AKAP6: variants seen among roughly 807,000 people sequenced by gnomAD.
The protein encoded by AKAP6 is A-kinase anchoring protein 6, also known as A-kinase anchor protein 6.
Under a neutral mutation model 188.5 loss-of-function variants are expected in AKAP6, and 58 were observed. The observed-to-expected ratio is 0.31, with a 90% CI of 0.25 to 0.38. The LOEUF (loss-of-function observed/expected upper bound fraction) is 0.38, where lower values mean the gene tolerates loss of function less well. Ranked by LOEUF, AKAP6 falls within the 10% of genes least tolerant of loss-of-function variation. AKAP6 has a pLI of 1.00. For synonymous variants in AKAP6, 989 were observed against 998.6 expected (o/e 0.99, Z 0.18); for missense variants, 2,710 against 2,740.0 (o/e 0.99, Z 0.24).
chr14:32,397,133 A>G (rs972721780), intron 1 of AKAP6, among the ~76,000 whole-genome samples: 4 of 152,118 alleles, frequency 2.6e-5, no homozygotes, highest in Non-Finnish European at 5.9e-5. Context: ...GAGAATTTGC[A>G]TGTTTAAAAA....
chr14:32,499,328 C>CAAAAAAAAAAA (rs71432061), intron 2 of AKAP6, among the ~76,000 whole-genome samples: 7 of 111,054 alleles, frequency 6.3e-5, no homozygotes, highest in East Asian at 2.7e-4. Flanking sequence ...AGTGTAACAG[C>CAAAAAAAAAAA]AAAAAAAAAA....
At chr14:32,380,966 A>G (rs1016593967) in intron 1 of AKAP6, among the ~76,000 whole-genome samples, 7 of 152,176 alleles carry the variant, frequency 4.6e-5, no homozygotes, top group African/African-American at 1.2e-4. Flanking sequence ...TTTAAAAATT[A>G]CAATTCAGTG....
chr14:32,365,969 C>T (rs971753004), intron 1 of AKAP6, among the ~76,000 whole-genome samples: 10 of 152,172 alleles, frequency 6.6e-5, no homozygotes, highest in Admixed American at 2.0e-4. Flanking sequence ...CTGGTCAAAC[C>T]CTTCTTCCCT....
intron 2 of AKAP6, among the ~76,000 whole-genome samples, chr14:32,475,047 C>T (rs1878986638): frequency 6.6e-6 from 1 of 152,180 alleles, no homozygotes; most frequent in Non-Finnish European, 1.5e-5. Context: ...GCCTGATGAA[C>T]ATTCCTTATA....
intron 1 of AKAP6, among the ~76,000 whole-genome samples, chr14:32,374,888 G>A (rs1888112394): frequency 6.6e-6 from 1 of 152,076 alleles, no homozygotes; most frequent in Non-Finnish European, 1.5e-5. Flanking sequence ...TCATTAACTA[G>A]TGTTCATTGT....
intron 13 of AKAP6, among the ~76,000 whole-genome samples, chr14:32,828,902 A>C (rs527919843): frequency 6.6e-6 from 1 of 152,284 alleles, no homozygotes; most frequent in South Asian, 2.1e-4. Context: ...CTTTTTGTTA[A>C]GGTTTTTCTG....
chr14:32,515,619 T>G (rs1881482424), intron 2 of AKAP6, among the ~76,000 whole-genome samples: 2 of 152,106 alleles, frequency 1.3e-5, no homozygotes, highest in Non-Finnish European at 2.9e-5. Flanking sequence ...TCTTTATAGA[T>G]GAGGAAACTG....
chr14:32,483,766 G>A (rs951199145), intron 2 of AKAP6, among the ~76,000 whole-genome samples: 16 of 152,030 alleles, frequency 1.1e-4, no homozygotes, highest in Admixed American at 1.3e-4. Flanking sequence ...TTACAGGTGT[G>A]AGCCACTGTG....
intron 7 of AKAP6, among the ~76,000 whole-genome samples, chr14:32,648,044 C>A (rs1443949882): frequency 6.6e-6 from 1 of 152,002 alleles, no homozygotes. Context: ...CCTTAATTGT[C>A]TTTTCATTTA....
intron 12 of AKAP6, among the ~76,000 whole-genome samples, chr14:32,804,795 C>G (rs1343453744): frequency 6.6e-6 from 1 of 152,020 alleles, no homozygotes; most frequent in East Asian, 1.9e-4. Context: ...TTATAGACCT[C>G]CCCCCAGGAA....
intron 1 of AKAP6, among the ~76,000 whole-genome samples, chr14:32,428,215 C>A (rs918166377): frequency 9.9e-5 from 15 of 152,126 alleles, no homozygotes; most frequent in Middle Eastern, 3.2e-3. Flanking sequence ...TGGAAGCGCT[C>A]TGTCCACCCA....
At chr14:32,614,872 CAAA>C (rs1566605637) in intron 7 of AKAP6, among the ~76,000 whole-genome samples, 1 of 151,726 alleles carries the variant, frequency 6.6e-6, no homozygotes, top group Non-Finnish European at 1.5e-5. Context: ...TTTTCTTTCT[CAAA>C]AAGAGATAAA....
At chr14:32,520,097 C>T (rs904181662) in intron 2 of AKAP6, among the ~76,000 whole-genome samples, 1 of 152,144 alleles carries the variant, frequency 6.6e-6, no homozygotes, top group Admixed American at 6.5e-5. Flanking sequence ...TGAATGACTA[C>T]TGGGTACATA....
chr14:32,653,518 C>T (rs1888317288), intron 7 of AKAP6, among the ~76,000 whole-genome samples: 1 of 152,148 alleles, frequency 6.6e-6, no homozygotes, highest in South Asian at 2.1e-4. Context: ...TCTTCATCTT[C>T]CACCATGATT....
chr14:32,555,412 A>G (rs1883644910), intron 4 of AKAP6, among the ~76,000 whole-genome samples: 1 of 152,238 alleles, frequency 6.6e-6, no homozygotes, highest in Admixed American at 6.5e-5. Context: ...GATAGCAGCC[A>G]TTAAGAAGTA....
chr14:32,673,029 C>T (rs1011883581), intron 7 of AKAP6, among the ~76,000 whole-genome samples: 8 of 152,150 alleles, frequency 5.3e-5, no homozygotes, highest in Non-Finnish European at 1.0e-4. Context: ...CCACTTTAGC[C>T]TCTATATCCA....
intron 7 of AKAP6, among the ~76,000 whole-genome samples, chr14:32,651,917 T>C (rs758337404): frequency 2.0e-5 from 3 of 152,182 alleles, no homozygotes; most frequent in Non-Finnish European, 2.9e-5. Flanking sequence ...CATTTTTTAT[T>C]GAGTACTCTT....
chr14:32,360,847 G>A (rs1887635860), intron 1 of AKAP6, among the ~76,000 whole-genome samples: 1 of 151,220 alleles, frequency 6.6e-6, no homozygotes, highest in Non-Finnish European at 1.5e-5. Flanking sequence ...GGGCTCAAGT[G>A]TTCCTCCCAC....
At chr14:32,728,284 A>G (rs1217164643) in intron 9 of AKAP6, among the ~76,000 whole-genome samples, 1 of 115,378 alleles carries the variant, frequency 8.7e-6, no homozygotes, top group Non-Finnish European at 1.7e-5. Flanking sequence ...GTGTTTTGGT[A>G]TGTTCCTAGC....
Sources: allele counts gnomAD v4.1 joint callset (sites outside exome capture counted in the v4.1 genomes callset), GRCh38; gene constraint gnomAD v4.1.1; transcripts MANE v1.5; gene names NCBI Gene and HGNC (gene_info 2026-07-23, HGNC 2026-07-21).